Variants in TENM1 observed in about 807,000 individuals in gnomAD.
TENM1 encodes teneurin-1.
A neutral mutation model predicts 174.8 loss-of-function variants in TENM1; 35 were observed. The observed-to-expected ratio is 0.20, with a 90% confidence interval of 0.15 to 0.27. The LOEUF (loss-of-function observed/expected upper bound fraction) is 0.27, where lower values mean the gene tolerates loss of function less well. TENM1 is among the 10% of genes least tolerant of loss of function. TENM1 has a pLI of 1.00. For synonymous variants in TENM1, 781 were observed against 798.7 expected (o/e 0.98, Z 0.37); for missense variants, 1,633 against 2,130.1 (o/e 0.77, Z 4.59).
the TENM1 span, among the ~76,000 whole-genome samples, chrX:125,098,817 A>T: frequency 8.9e-6 from 1 of 111,993 alleles, no homozygotes; most frequent in Non-Finnish European, 1.9e-5. Flanking sequence ...TTAGGGACTA[A>T]AAACTAGTTG....
At chrX:125,159,682 G>C in the TENM1 span, among the ~76,000 whole-genome samples, 5 of 112,044 alleles carry the variant, frequency 4.5e-5, no homozygotes, top group Middle Eastern at 4.7e-3. Flanking sequence ...ACCAAATTAA[G>C]TTAAATAAGA....
chrX:124,936,396 T>C (rs2058244562), intron 1 of TENM1, among the ~76,000 whole-genome samples: 1 of 111,775 alleles, frequency 8.9e-6, no homozygotes, highest in Admixed American at 9.5e-5. Context: ...AGCTTAAAGA[T>C]TACTTCCCTG....
intron 3 of TENM1, among the ~76,000 whole-genome samples, chrX:124,873,519 ATGT>A (rs1251513254): frequency 8.9e-6 from 1 of 111,786 alleles, no homozygotes; most frequent in African/African-American, 3.2e-5. Context: ...ATGTCAGAGC[ATGT>A]TGTTTCATAG....
intron 15 of TENM1, among the ~76,000 whole-genome samples, chrX:124,545,963 T>G (rs770113290): frequency 1.8e-5 from 2 of 112,221 alleles, no homozygotes; most frequent in Admixed American, 9.4e-5. Flanking sequence ...GAAATTTCCA[T>G]GCACATCTTA....
chrX:124,506,889 G>A (rs1341056784), intron 18 of TENM1, among the ~76,000 whole-genome samples: 2 of 111,416 alleles, frequency 1.8e-5, no homozygotes, highest in East Asian at 2.8e-4. Context: ...TTAAATATAG[G>A]GAAAAAAGGT....
chrX:125,056,339 G>C, the TENM1 span, among the ~76,000 whole-genome samples: 2 of 111,691 alleles, frequency 1.8e-5, no homozygotes, highest in East Asian at 2.8e-4. Context: ...TGGTGATAGA[G>C]AATTTCTTAA....
the TENM1 span, among the ~76,000 whole-genome samples, chrX:125,005,824 T>C: frequency 9.0e-6 from 1 of 111,635 alleles, no homozygotes; most frequent in Admixed American, 9.5e-5. Flanking sequence ...ATTAAGTGAC[T>C]GTGCCACCTA....
the TENM1 span, among the ~76,000 whole-genome samples, chrX:125,049,673 G>A: frequency 1.8e-5 from 2 of 111,621 alleles, no homozygotes; most frequent in Non-Finnish European, 3.8e-5. Context: ...AAGTGTTTTA[G>A]TTTCTCAAAA....
rs182209225 is a variant in TENM1 at position 124,580,707 on chromosome X, T to C, written c.2078-15147A>G. 4.8e-4 allele frequency among the ~76,000 whole-genome samples: 53 copies of C among 111,415 alleles called. 1 individual carries two copies. In the East Asian group the frequency reaches 0.01, roughly 21 times the overall value. On this transcript the variant is annotated intron_variant, in intron 11 of 31. Transcript: ENST00000422452. The stretch of plus-strand genomic sequence containing the variant: ...GTACTGTATTAATAATTTTTTATTT[T>C]TTATTTCATTAAAAAGTTTTTTTAC...
At chrX:125,114,720 A>C in the TENM1 span, among the ~76,000 whole-genome samples, 2 of 111,410 alleles carry the variant, frequency 1.8e-5, no homozygotes, top group African/African-American at 6.5e-5. Context: ...TAGACCAATA[A>C]CAAGTTCTGA....
intron 11 of TENM1, among the ~76,000 whole-genome samples, chrX:124,566,469 G>A (rs1173682302): frequency 8.9e-6 from 1 of 111,941 alleles, no homozygotes; most frequent in Non-Finnish European, 1.9e-5. Context: ...AGCATGGCAA[G>A]CCTCTTTCGT....
intron 3 of TENM1, among the ~76,000 whole-genome samples, chrX:124,805,691 C>T (rs1429830384): frequency 8.9e-6 from 1 of 112,438 alleles, no homozygotes; most frequent in Non-Finnish European, 1.9e-5. Context: ...CCAACTCAGC[C>T]ACAGTACTAC....
chrX:124,896,024 G>C (rs755891420), exon 2 of TENM1: 2 of 1,211,546 alleles, frequency 1.7e-6, no homozygotes, highest in South Asian at 3.5e-5. Context: ...TGTCAGTCAA[G>C]GATAATGCAG....
At chrX:125,180,582 T>G in the TENM1 span, among the ~76,000 whole-genome samples, 2 of 110,200 alleles carry the variant, frequency 1.8e-5, no homozygotes, top group Non-Finnish European at 3.8e-5. Context: ...GGTGGCTGTT[T>G]CAGGAGTTGC....
intron 5 of TENM1, among the ~76,000 whole-genome samples, chrX:124,689,042 A>G (rs1184092725): frequency 8.9e-6 from 1 of 111,924 alleles, no homozygotes; most frequent in Non-Finnish European, 1.9e-5. Context: ...ACCTCAATAT[A>G]CCTCAATAAA....
chrX:125,051,095 T>C, the TENM1 span, among the ~76,000 whole-genome samples: 1 of 111,501 alleles, frequency 9.0e-6, no homozygotes, highest in Non-Finnish European at 1.9e-5. Context: ...CCATTCACAA[T>C]TGCTTCAAAG....
At chrX:124,416,961 G>A (rs2060600627) in intron 25 of TENM1, among the ~76,000 whole-genome samples, 1 of 111,863 alleles carries the variant, frequency 8.9e-6, no homozygotes, top group African/African-American at 3.3e-5. Context: ...TTTGGAAGCA[G>A]AGAGTAGCCC....
intron 14 of TENM1, among the ~76,000 whole-genome samples, chrX:124,547,975 C>T (rs910588660): frequency 5.4e-5 from 6 of 111,367 alleles, no homozygotes; most frequent in Non-Finnish European, 9.4e-5. Context: ...TAGCTGGGAC[C>T]ACAGGCGCCC....
At chrX:124,411,709 G>A (rs2060536540) in intron 25 of TENM1, 1 of 111,938 alleles carries the variant, frequency 8.9e-6, no homozygotes, top group South Asian at 3.7e-4. Context: ...ACAGGCAGAT[G>A]TACACATCAG....
Sources: allele counts gnomAD v4.1 joint callset (sites outside exome capture counted in the v4.1 genomes callset), GRCh38; gene constraint gnomAD v4.1.1; transcripts MANE v1.5; gene names NCBI Gene and HGNC (gene_info 2026-07-23, HGNC 2026-07-21).